The following IGF1R variants were observed in gnomAD, a reference collection of about 807,000 sequenced individuals.
IGF1R encodes insulin-like growth factor 1 receptor.
A neutral mutation model predicts 144.6 loss-of-function variants in IGF1R; 44 were observed. The ratio of observed to expected loss-of-function variants is 0.30; its 90% CI spans 0.24 to 0.39. IGF1R has a LOEUF of 0.39. IGF1R is among the 10% of genes least tolerant of loss of function. The pLI, the probability that IGF1R is intolerant of heterozygous loss-of-function variation, is 1.00. For missense variants in IGF1R, 1,355 were observed against 1,833.7 expected, an observed-to-expected ratio of 0.74 and a Z score of 4.77; for synonymous variants, 795 against 722.8, an observed-to-expected ratio of 1.10 and a Z score of -1.60.
chr15:98,879,236 G>A (rs922140746), intron 2 of IGF1R, among the ~76,000 whole-genome samples: 1 of 152,052 alleles, frequency 6.6e-6, no homozygotes, highest in Non-Finnish European at 1.5e-5. Flanking sequence ...AAGAATTCGG[G>A]GATGATTTCA....
At chr15:98,678,234 G>C (rs2053096562) in intron 1 of IGF1R, among the ~76,000 whole-genome samples, 1 of 152,014 alleles carries the variant, frequency 6.6e-6, no homozygotes, top group Admixed American at 6.6e-5. Flanking sequence ...GGTTGCGGTG[G>C]GTGGCTGTTT....
In IGF1R at chr15:98,837,180, C is replaced by T. The variant is rs116145047; in HGVS notation, c.641-54145C>T. Among the ~76,000 whole-genome samples the T allele has an allele frequency of 1.8e-3, 279 of 152,278 alleles. 1 individual carries two copies. The highest frequency in any genetic ancestry group is 6.0e-3 in the African/African-American group (251 of 41,568). On this transcript the variant is annotated intron_variant, in intron 2 of 20. Transcript: ENST00000650285. ...GACTTCTGGGTTTGAGCAATCCTCC[C>T]ATCTCAGTTTCCCAAGTAGCTAGTG...
In IGF1R at chr15:98,690,588, T is replaced by G. The variant is rs528600940; in HGVS notation, c.95-16974T>G. Among the ~76,000 whole-genome samples, 15 of 152,380 alleles carry G rather than the reference T, an allele frequency of 9.8e-5. No individual in the cohort carries two copies. The South Asian group carries it at 3.1e-3, about 32-fold the overall frequency. ...TCTCTTCCTATAGCAGAATGATCTT[T>G]GTTTTTAAAATGATTTTAAGTATAC... On this transcript the variant is annotated intron_variant, in intron 1 of 20. Coordinates refer to ENST00000650285, the MANE Select transcript of IGF1R (RefSeq NM_000875.5).
At chr15:98,837,472 C>T (rs772925243) in intron 2 of IGF1R, among the ~76,000 whole-genome samples, 10 of 152,240 alleles carry the variant, frequency 6.6e-5, no homozygotes, top group East Asian at 5.8e-4. Context: ...ATCTCCTGAC[C>T]GCCCACCTCG....
intron 4 of IGF1R, among the ~76,000 whole-genome samples, chr15:98,898,957 C>T (rs1227358360): frequency 6.6e-6 from 1 of 151,960 alleles, no homozygotes; most frequent in African/African-American, 2.4e-5. Flanking sequence ...TTTAAAAATC[C>T]CTCATAGATA....
chr15:98,913,195 G>A lies in IGF1R; in HGVS notation c.1741G>A (p.Val581Ile), dbSNP rs774280289. ...LKPWTQYAVY[V>I]KAVTLTMVEN... is the part of the protein sequence containing the mutation. ...GCCCTGGACTCAGTACGCCGTTTACGTCAAGGCTGTGACCCTCACCATGGT... is the reference window on the plus strand; with the variant it reads ...GCCCTGGACTCAGTACGCCGTTTACATCAAGGCTGTGACCCTCACCATGGT... Residue 581 changes from valine to isoleucine, a missense_variant, in exon 8 of 21, where the codon GTC becomes ATC. Coordinates refer to ENST00000650285, the MANE Select transcript of IGF1R (RefSeq NM_000875.5). 3.7e-6 allele frequency: 6 copies of A among 1,614,070 alleles called. No homozygotes were observed. Among genetic ancestry groups the A allele is most frequent in the African/African-American group, 1.3e-5 (1 of 74,936 alleles).
In IGF1R at chr15:98,964,122, T is replaced by C; in HGVS notation, c.*6680T>C. 1 of 232,892 alleles carries C rather than the reference T, an allele frequency of 4.3e-6. No homozygotes were observed. The highest frequency in any genetic ancestry group is 2.2e-5 in the African/African-American group (1 of 45,346). The allele number at this position is 232,892 out of a possible 1,614,324, so 14.4% of individuals were successfully genotyped here. A position where few individuals can be genotyped will look rare whatever the true frequency, so the allele number is the denominator to read the frequency against. ...GTTTGTCTACCTCTGGGTATCCCTTTGTCTGGGATAAAAAAAATCAAACCA... is the reference window on the plus strand; with the variant it reads ...GTTTGTCTACCTCTGGGTATCCCTTCGTCTGGGATAAAAAAAATCAAACCA... On this transcript the variant is annotated 3_prime_UTR_variant, in exon 21 of 21. Transcript: ENST00000650285.
Position 98,934,992 on chromosome 15 carries a change from G to A in IGF1R, c.3125G>A (p.Arg1042His), listed in dbSNP as rs1313769986. Residue 1042 changes from arginine (R) to histidine (H), a missense_variant, in exon 16 of 21, where the codon CGT becomes CAT. Arg to His is a conservative substitution (Grantham distance 29). Around this residue, in one of 7 missense-constraint regions of IGF1R, gnomAD observed 880 missense variants for 1,202.7 expected, o/e 0.73. Coordinates refer to ENST00000650285, the MANE Select transcript of IGF1R (RefSeq NM_000875.5). ...IKTVNEAASMRERIEFLNEAS... is the reference protein window; with the variant it reads ...IKTVNEAASMHERIEFLNEAS... ...ACAGTGAACGAGGCCGCAAGCATGC[G>A]TGAGAGGATTGAGTTTCTCAACGAA... 2.5e-6 allele frequency: 4 copies of A among 1,614,030 alleles called. No individual in the cohort carries two copies. Among genetic ancestry groups the A allele is most frequent in the East Asian group, 2.2e-5 (1 of 44,894 alleles).
rs2052879949 is a variant in IGF1R at position 98,671,140 on chromosome 15, AAG to A, written c.94+21470_94+21471del. Among the ~76,000 whole-genome samples, 3 of 152,348 alleles carry A rather than the reference AAG, an allele frequency of 2.0e-5. 1 individual carries two copies. The Middle Eastern group carries it at 0.01, about 518-fold the overall frequency. The stretch of plus-strand genomic sequence containing the variant: ...TGTTACTGGATCTCCATTTGCTCAA[AAG>A]AGAGCAGTGTCCCCCTCCAAATCTG... On this transcript the variant is annotated intron_variant, in intron 1 of 20. Coordinates refer to ENST00000650285, the MANE Select transcript of IGF1R (RefSeq NM_000875.5).
At chr15:98,753,915 T>G (rs2055084554) in intron 2 of IGF1R, among the ~76,000 whole-genome samples, 1 of 152,190 alleles carries the variant, frequency 6.6e-6, no homozygotes, top group African/African-American at 2.4e-5. Context: ...TTGAAAAGTC[T>G]TTGTTGCAGG....
At chr15:98,860,306 G>T (rs1276597677) in intron 2 of IGF1R, among the ~76,000 whole-genome samples, 1 of 152,216 alleles carries the variant, frequency 6.6e-6, no homozygotes, top group Non-Finnish European at 1.5e-5. Flanking sequence ...CCCTTGTACA[G>T]ACCATCCTAG....
intron 1 of IGF1R, among the ~76,000 whole-genome samples, chr15:98,681,721 A>T (rs1390283868): frequency 1.3e-5 from 2 of 152,154 alleles, no homozygotes; most frequent in African/African-American, 2.4e-5. Context: ...CCTGTGTATT[A>T]GTTAGTAAAG....
At chr15:98,698,405 G>C (rs932337321) in intron 1 of IGF1R, among the ~76,000 whole-genome samples, 5 of 152,136 alleles carry the variant, frequency 3.3e-5, no homozygotes, top group Admixed American at 6.5e-5. Context: ...TCAATCTCTA[G>C]AACACTTTTC....
Position 98,939,317 on chromosome 15 carries a change from C to T in IGF1R, c.3414C>T (p.Ala1138=), listed in dbSNP as rs375028554. ...AGTTCGTCCACAGAGACCTTGCTGC[C>T]CGGAATTGCATGGTAGCCGAAGATT... ...ANKFVHRDLA[A]RNCMVAEDFT... Residue 1138 remains alanine (A), a synonymous_variant, in exon 18 of 21, where the codon GCC becomes GCT. Transcript: ENST00000650285. 142 of 1,614,072 alleles carry T rather than the reference C, an allele frequency of 8.8e-5. No homozygotes were observed. The South Asian group carries it at 1.4e-3, about 15-fold the overall frequency.
intron 2 of IGF1R, among the ~76,000 whole-genome samples, chr15:98,728,784 T>G (rs558967917): frequency 6.6e-6 from 1 of 152,364 alleles, no homozygotes; most frequent in South Asian, 2.1e-4. Context: ...GTGGCTTCCT[T>G]TCCTCTGGTG....
chr15:98,921,010 C>T lies in IGF1R; in HGVS notation c.2202-1138C>T, dbSNP rs191435142. 1.1e-3 allele frequency among the ~76,000 whole-genome samples: 173 copies of T among 152,306 alleles called. 3 individuals carry two copies. Among genetic ancestry groups the T allele is most frequent in the Middle Eastern group, 0.01 (3 of 294 alleles). On this transcript the variant is annotated intron_variant, in intron 10 of 20. Coordinates refer to ENST00000650285, the MANE Select transcript of IGF1R (RefSeq NM_000875.5). ...CTTTCCCTCTCTGCTGCTGCTGCCGCGCTCTCCCCTCCATGGCACTGATGA... is the reference window on the plus strand; with the variant it reads ...CTTTCCCTCTCTGCTGCTGCTGCCGTGCTCTCCCCTCCATGGCACTGATGA...
Position 98,797,478 on chromosome 15 carries a change from G to A in IGF1R, c.640+89371G>A, listed in dbSNP as rs146112919. The stretch of plus-strand genomic sequence containing the variant: ...GTAACTTCAAATTGTTTTTCTTTGC[G>A]TCGGAGCCATGTCTAGGTTCTGAGT... On this transcript the variant is annotated intron_variant, in intron 2 of 20. Coordinates refer to ENST00000650285, the MANE Select transcript of IGF1R (RefSeq NM_000875.5). 2.6e-3 allele frequency among the ~76,000 whole-genome samples: 393 copies of A among 152,264 alleles called. 2 individuals carry two copies. Among genetic ancestry groups the A allele is most frequent in the African/African-American group, 9.0e-3 (373 of 41,552 alleles).
intron 2 of IGF1R, among the ~76,000 whole-genome samples, chr15:98,883,118 C>A (rs906175251): frequency 6.6e-6 from 1 of 152,192 alleles, no homozygotes; most frequent in African/African-American, 2.4e-5. Context: ...GAGGTTGTTT[C>A]TTTTTGGCAT....
intron 20 of IGF1R, among the ~76,000 whole-genome samples, chr15:98,953,337 G>A (rs998974953): frequency 1.3e-5 from 2 of 152,230 alleles, no homozygotes; most frequent in Non-Finnish European, 2.9e-5. Context: ...ATGACTCAGT[G>A]TGAATTAACT....
Sources: allele counts gnomAD v4.1 joint callset (sites outside exome capture counted in the v4.1 genomes callset), GRCh38; gene constraint gnomAD v4.1.1; regional missense constraint gnomAD v4.1.1; transcripts MANE v1.5; gene names NCBI Gene and HGNC (gene_info 2026-07-23, HGNC 2026-07-21).